The following ABCB1 variants were observed in gnomAD, a reference collection of about 807,000 sequenced individuals.
ABCB1 encodes the protein ATP binding cassette subfamily B member 1, also known as ATP-dependent translocase ABCB1.
ABCB1 carries 69 observed loss-of-function variants against 142.0 expected under a neutral mutation model. The ratio of observed to expected loss-of-function variants is 0.49; its 90% CI spans 0.40 to 0.59. The LOEUF (loss-of-function observed/expected upper bound fraction) is 0.59, where lower values mean the gene tolerates loss of function less well. Ranked by LOEUF, ABCB1 falls within the 20% of genes least tolerant of loss-of-function variation. The pLI is 0.00. For synonymous variants in ABCB1, 532 were observed against 539.2 expected (o/e 0.99, Z 0.18); for missense variants, 1,326 against 1,554.7 (o/e 0.85, Z 2.47).
intron 1 of ABCB1, among the ~76,000 whole-genome samples, chr7:87,656,197 G>C (rs1824083260): frequency 6.6e-6 from 1 of 151,822 alleles, no homozygotes; most frequent in African/African-American, 2.4e-5. Flanking sequence ...GCCATTCCAT[G>C]ATATATACAA....
At chr7:87,563,286 G>A in intron 7 of ABCB1, 1 of 351,408 alleles carries the variant, frequency 2.8e-6, no homozygotes, top group Non-Finnish European at 5.8e-6. Flanking sequence ...AAATTTAGGT[G>A]GAGGGACTCC....
intron 1 of ABCB1, among the ~76,000 whole-genome samples, chr7:87,666,870 A>G (rs1825306011): frequency 1.3e-5 from 2 of 152,086 alleles, no homozygotes; most frequent in African/African-American, 2.4e-5. Flanking sequence ...TACCAGTACC[A>G]TGCTGTTTTG....
intron 1 of ABCB1, among the ~76,000 whole-genome samples, chr7:87,711,800 C>A (rs1419542466): frequency 6.6e-6 from 1 of 152,144 alleles, no homozygotes; most frequent in African/African-American, 2.4e-5. Flanking sequence ...TTTTCCTCAT[C>A]ACAGAAGGTT....
chr7:87,687,243 A>G (rs1000925131), intron 1 of ABCB1, among the ~76,000 whole-genome samples: 1 of 152,020 alleles, frequency 6.6e-6, no homozygotes, highest in Admixed American at 6.6e-5. Flanking sequence ...TTTCTTGACT[A>G]TATCAGGCAC....
intron 1 of ABCB1, among the ~76,000 whole-genome samples, chr7:87,618,877 C>T (rs1820121507): frequency 1.3e-5 from 2 of 152,266 alleles, no homozygotes; most frequent in South Asian, 2.1e-4. Flanking sequence ...CAGCAACACT[C>T]AGTCAAAAGC....
chr7:87,529,790 G>A (rs1563036612), intron 21 of ABCB1, among the ~76,000 whole-genome samples: 1 of 152,168 alleles, frequency 6.6e-6, no homozygotes, highest in African/African-American at 2.4e-5. Flanking sequence ...TCAACACCAT[G>A]GGGGAGACCC....
At chr7:87,669,307 T>G (rs572365703) in intron 1 of ABCB1, among the ~76,000 whole-genome samples, 1 of 152,332 alleles carries the variant, frequency 6.6e-6, no homozygotes, top group Admixed American at 6.5e-5. Flanking sequence ...CCCTTCTTTT[T>G]TCTGTTTTCC....
intron 1 of ABCB1, among the ~76,000 whole-genome samples, chr7:87,659,938 A>G (rs1420593074): frequency 6.6e-6 from 1 of 152,130 alleles, no homozygotes; most frequent in Non-Finnish European, 1.5e-5. Flanking sequence ...TAAATCACCT[A>G]AATATTCTTA....
intron 1 of ABCB1, among the ~76,000 whole-genome samples, chr7:87,650,507 T>C (rs1347404522): frequency 6.6e-6 from 1 of 152,150 alleles, no homozygotes; most frequent in Non-Finnish European, 1.5e-5. Context: ...ATGAAAGCTC[T>C]GCCCTCATTA....
At chr7:87,624,982 C>T (rs1820355184) in intron 1 of ABCB1, among the ~76,000 whole-genome samples, 1 of 152,160 alleles carries the variant, frequency 6.6e-6, no homozygotes, top group South Asian at 2.1e-4. Flanking sequence ...TATGGCTGGG[C>T]GCGGCGGCTC....
intron 1 of ABCB1, among the ~76,000 whole-genome samples, chr7:87,693,503 A>AT (rs1347803440): frequency 2.6e-5 from 4 of 152,070 alleles, no homozygotes; most frequent in Non-Finnish European, 4.4e-5. Flanking sequence ...AAAGTGAGTG[A>AT]TTTTTTTTCC....
intron 2 of ABCB1, among the ~76,000 whole-genome samples, chr7:87,597,058 T>G (rs1756281981): frequency 6.6e-6 from 1 of 152,078 alleles, no homozygotes; most frequent in African/African-American, 2.4e-5. Context: ...ACATTTTTGT[T>G]CTTTTAGAGA....
In ABCB1 at chr7:87,703,914, G is replaced by GTTTTTTTTTTTTTT. The variant is rs35797972; in HGVS notation, c.-331+9233_-331+9246dup. ...TTTTTTTTTTTTTTTTTTTTTTTTG[G>GTTTTTTTTTTTTTT]TTTTTTTTTTTTTTTTTTTTTTTTT... On this transcript the variant is annotated intron_variant, in intron 1 of 28. Transcript: ENST00000265724. 2.2e-3 allele frequency among the ~76,000 whole-genome samples: 95 copies of GTTTTTTTTTTTTTT among 42,982 alleles called. 2 individuals are homozygous for GTTTTTTTTTTTTTT. Among genetic ancestry groups the GTTTTTTTTTTTTTT allele is most frequent in the Middle Eastern group, 0.022 (1 of 46 alleles). 28.2% of individuals were successfully genotyped at this position (42,982 alleles called of 152,430 possible).
At chr7:87,697,484 T>C (rs1313919095) in intron 1 of ABCB1, among the ~76,000 whole-genome samples, 1 of 152,192 alleles carries the variant, frequency 6.6e-6, no homozygotes, top group African/African-American at 2.4e-5. Context: ...AGGAAGTAAC[T>C]TTAGAATGGT....
chr7:87,514,465 C>T (rs1239452482), intron 25 of ABCB1, among the ~76,000 whole-genome samples: 2 of 152,168 alleles, frequency 1.3e-5, no homozygotes, highest in African/African-American at 4.8e-5. Flanking sequence ...GGCATACTTC[C>T]ATGTTCTTTT....
intron 23 of ABCB1, among the ~76,000 whole-genome samples, chr7:87,517,688 G>C (rs577552841): frequency 1.9e-4 from 29 of 152,304 alleles, no homozygotes; most frequent in African/African-American, 6.7e-4. Context: ...AAAAACCTAT[G>C]AATTGTGCAA....
intron 3 of ABCB1, among the ~76,000 whole-genome samples, chr7:87,590,863 A>C (rs1818974182): frequency 6.6e-6 from 1 of 152,160 alleles, no homozygotes. Context: ...GCTATGGGTA[A>C]ATTTTTAGAA....
At chr7:87,652,861 A>G (rs1186738358) in intron 1 of ABCB1, among the ~76,000 whole-genome samples, 3 of 151,932 alleles carry the variant, frequency 2.0e-5, no homozygotes, top group African/African-American at 7.2e-5. Context: ...CCTTTACAGA[A>G]GTACAAATTA....
intron 1 of ABCB1, among the ~76,000 whole-genome samples, chr7:87,706,008 T>TC (rs374332492): frequency 3.5e-4 from 54 of 152,296 alleles, no homozygotes; most frequent in African/African-American, 1.2e-3. Flanking sequence ...TGAGGGATTG[T>TC]CCCCCCATTT....
Sources: gnomAD v4.1 joint callset for allele counts (sites outside exome capture counted in the v4.1 genomes callset) on GRCh38, gnomAD v4.1.1 for gene constraint, MANE v1.5 for transcripts, NCBI Gene and HGNC (gene_info 2026-07-23, HGNC 2026-07-21) for gene names.